Variants in INPP5A observed in about 807,000 individuals in gnomAD.
INPP5A encodes the protein inositol polyphosphate-5-phosphatase A, also known as 43 kDa inositol polyphosphate 5-phophatase.
In INPP5A, 14 loss-of-function variants were observed where a neutral mutation model predicts 65.2. That is an observed-to-expected ratio of 0.21 (90% confidence interval 0.14 to 0.34). The LOEUF (loss-of-function observed/expected upper bound fraction) is 0.34, where lower values mean the gene tolerates loss of function less well. Among genes scored for constraint, INPP5A ranks in the 10% least tolerant of loss-of-function variants. INPP5A has a pLI of 1.00. For missense variants in INPP5A, 431 were observed against 545.6 expected (o/e 0.79, Z 2.09); for synonymous variants, 207 against 208.3 (o/e 0.99, Z 0.05).
intron 8 of INPP5A, among the ~76,000 whole-genome samples, chr10:132,712,114 C>T (rs1017387918): frequency 6.6e-6 from 1 of 152,226 alleles, no homozygotes; most frequent in African/African-American, 2.4e-5. Context: ...GTCCCTAAGG[C>T]AGGTGGGGTT....
At chr10:132,685,217 G>A (rs117644802) in intron 4 of INPP5A, among the ~76,000 whole-genome samples, 2,177 of 152,326 alleles carry the variant, frequency 0.014, 19 homozygotes, top group Middle Eastern at 0.051. Flanking sequence ...CCTGGGCCGC[G>A]GGCCGTGGCC....
chr10:132,617,989 A>G, intron 2 of INPP5A, among the ~76,000 whole-genome samples: 1 of 152,212 alleles, frequency 6.6e-6, no homozygotes, highest in Non-Finnish European at 1.5e-5. Flanking sequence ...AGAATATTTT[A>G]TGATATAGTT....
At chr10:132,665,215 C>T (rs2072786855) in intron 4 of INPP5A, among the ~76,000 whole-genome samples, 1 of 152,238 alleles carries the variant, frequency 6.6e-6, no homozygotes, top group Non-Finnish European at 1.5e-5. Flanking sequence ...CACTTCACTT[C>T]CATCCCGAGA....
Position 132,651,109 on chromosome 10 carries a change from C to G in INPP5A, c.306+604C>G, listed in dbSNP as rs1214685590. On this transcript the variant is annotated intron_variant, in intron 4 of 15. Coordinates refer to ENST00000368594, the MANE Select transcript of INPP5A (RefSeq NM_005539.5). This position sits in a 1 kb window ranked among gnomAD's most constrained non-coding sequence, Gnocchi z 5.0. The stretch of plus-strand genomic sequence containing the variant: ...GTGGCAGCCACAGAGATACAGGCAC[C>G]AGGTGTCTGGGAAGGGGCAGGAAGC... 6.6e-6 allele frequency among the ~76,000 whole-genome samples: 1 copy of G among 152,170 alleles called. No individual in the cohort carries two copies. Among genetic ancestry groups the G allele is most frequent in the Admixed American group, 6.5e-5 (1 of 15,286 alleles).
intron 4 of INPP5A, among the ~76,000 whole-genome samples, chr10:132,680,041 G>A (rs1421991399): frequency 6.6e-6 from 1 of 152,232 alleles, no homozygotes; most frequent in Non-Finnish European, 1.5e-5. Context: ...CATTGGATTT[G>A]GCGATGATTT....
intron 1 of INPP5A, among the ~76,000 whole-genome samples, chr10:132,557,083 G>A (rs1037862005): frequency 2.6e-5 from 4 of 152,184 alleles, no homozygotes; most frequent in African/African-American, 9.7e-5. Context: ...CTGTGACACC[G>A]GTTTGGTAGG....
At position 132,704,450 on chromosome 10, in the gene INPP5A, T is replaced by A. The variant is rs1432244706; in HGVS notation, c.475-3863T>A. 1.3e-5 allele frequency among the ~76,000 whole-genome samples: 2 copies of A among 152,062 alleles called. No individual in the cohort carries two copies. The highest frequency in any genetic ancestry group is 2.9e-5 in the Non-Finnish European group (2 of 68,004). On this transcript the variant is annotated intron_variant, in intron 6 of 15. Transcript: ENST00000368594. The surrounding 1 kb of genome is among the most constrained non-coding windows in gnomAD (Gnocchi z 4.5). ...TTTCCCTTTCTGGTCGGCCCGAGGG[T>A]TGGGTGTGTGCCTGTGTGTTGGACG... is the stretch of plus-strand genomic sequence containing the variant.
Position 132,550,534 on chromosome 10 carries a change from G to A in INPP5A, c.75+12363G>A, listed in dbSNP as rs576656765. 4.8e-4 allele frequency among the ~76,000 whole-genome samples: 73 copies of A among 152,244 alleles called. No individual in the cohort carries two copies. Among genetic ancestry groups the A allele is most frequent in the Non-Finnish European group, 8.2e-4 (56 of 68,038 alleles). On this transcript the variant is annotated intron_variant, in intron 1 of 15. Coordinates refer to ENST00000368594, the MANE Select transcript of INPP5A (RefSeq NM_005539.5). This position sits in a 1 kb window ranked among gnomAD's most constrained non-coding sequence, Gnocchi z 4.2. ...CTTGGGCTGAGCTTTTCCGTGAACCGGCAGCTGTGTCCCTTGACGTGCTGA... is the reference window on the plus strand; with the variant it reads ...CTTGGGCTGAGCTTTTCCGTGAACCAGCAGCTGTGTCCCTTGACGTGCTGA...
rs143366326 is a variant in INPP5A, at chr10:132,735,225, C to T, written c.732+8320C>T. On this transcript the variant is annotated intron_variant, in intron 9 of 15. Transcript: ENST00000368594. ...ACCTGCAGTCTGGCTCCTTGGGAGC[C>T]GGAAAAGGCCACACCCAGCCTCCAC... 1.1e-3 allele frequency among the ~76,000 whole-genome samples: 173 copies of T among 152,290 alleles called. 2 individuals are homozygous for T. Among genetic ancestry groups the T allele is most frequent in the East Asian group, 7.5e-3 (39 of 5,178 alleles).
At chr10:132,718,255 G>A (rs1330119348) in intron 8 of INPP5A, among the ~76,000 whole-genome samples, 134 of 126,894 alleles carry the variant, frequency 1.1e-3, no homozygotes, top group African/African-American at 3.8e-3. Flanking sequence ...CGGCTGTCTT[G>A]CGGGTTCTGT....
intron 1 of INPP5A, among the ~76,000 whole-genome samples, chr10:132,597,262 TCTC>T (rs2071715423): frequency 6.6e-6 from 1 of 152,248 alleles, no homozygotes. Context: ...TTTCTGTTCT[TCTC>T]AGTGTTTGTG....
Position 132,567,584 on chromosome 10 carries a change from C to G in INPP5A, c.75+29413C>G, listed in dbSNP as rs572079015. On this transcript the variant is annotated intron_variant, in intron 1 of 15. Transcript: ENST00000368594. ...GGTAACACGGGACACTACTGTTGACCAAACTACAGGCTTTATTTGGGTTTT... is the reference window on the plus strand; with the variant it reads ...GGTAACACGGGACACTACTGTTGACGAAACTACAGGCTTTATTTGGGTTTT... 3.9e-5 allele frequency among the ~76,000 whole-genome samples: 6 copies of G among 152,310 alleles called. No individual in the cohort carries two copies. In the South Asian group the frequency reaches 1.2e-3, roughly 32 times the overall value.
At chr10:132,608,219 G>T (rs1220024805) in intron 2 of INPP5A, among the ~76,000 whole-genome samples, 2 of 152,238 alleles carry the variant, frequency 1.3e-5, no homozygotes, top group Non-Finnish European at 2.9e-5. Context: ...TCCCCGCGGG[G>T]TTCAGAGAAT....
At position 132,542,570 on chromosome 10, in the gene INPP5A, G is replaced by GCAGCCAGCCCTCGAGTGGGGTGGGGGGGT. The variant is rs572893354; in HGVS notation, c.75+4404_75+4405insAGCCCTCGAGTGGGGTGGGGGGGTCAGCC. Among the ~76,000 whole-genome samples, 355 of 152,310 alleles carry GCAGCCAGCCCTCGAGTGGGGTGGGGGGGT rather than the reference G, an allele frequency of 2.3e-3. 2 individuals carry two copies. The highest frequency in any genetic ancestry group is 7.9e-3 in the African/African-American group (330 of 41,552). On this transcript the variant is annotated intron_variant, in intron 1 of 15. Coordinates refer to ENST00000368594, the MANE Select transcript of INPP5A (RefSeq NM_005539.5). Reference sequence around the variant, plus strand: ...CGGGGCATCCTGACTCTCTACCGTGGCAGCCCTCGAGTGGGGTGGGGGGGT... The same window carrying GCAGCCAGCCCTCGAGTGGGGTGGGGGGGT: ...CGGGGCATCCTGACTCTCTACCGTGGCAGCCAGCCCTCGAGTGGGGTGGGGGGGTCAGCCCTCGAGTGGGGTGGGGGGGT...
In INPP5A at chr10:132,694,954, C is replaced by T. The variant is rs1469665359; in HGVS notation, c.371-2862C>T. ...GGTTTCACTGGTGAATTCTATCAAG[C>T]ATTTAAGGAAGACGTTATACCAGTT... is the stretch of plus-strand genomic sequence containing the variant. On this transcript the variant is annotated intron_variant, in intron 5 of 15. Transcript: ENST00000368594. Among the ~76,000 whole-genome samples, 5 of 152,128 alleles carry T rather than the reference C, an allele frequency of 3.3e-5. No homozygotes were observed. In the South Asian group the frequency reaches 8.3e-4, roughly 25 times the overall value.
At chr10:132,686,287 C>A (rs1016920042) in intron 4 of INPP5A, among the ~76,000 whole-genome samples, 1 of 152,260 alleles carries the variant, frequency 6.6e-6, no homozygotes, top group African/African-American at 2.4e-5. Context: ...GCAGTCCTCG[C>A]AGAAGCATCA....
At chr10:132,691,430 G>A (rs976707944) in intron 5 of INPP5A, among the ~76,000 whole-genome samples, 1 of 152,240 alleles carries the variant, frequency 6.6e-6, no homozygotes, top group Non-Finnish European at 1.5e-5. Context: ...GCTCAGGCAC[G>A]GAGCGGCCGG....
At chr10:132,577,314 C>T (rs905904021) in intron 1 of INPP5A, among the ~76,000 whole-genome samples, 7 of 152,208 alleles carry the variant, frequency 4.6e-5, no homozygotes, top group East Asian at 1.9e-4. Context: ...TCCTCCAAGC[C>T]GGCCTGCATA....
intron 2 of INPP5A, among the ~76,000 whole-genome samples, chr10:132,632,765 C>T (rs1009576666): frequency 1.3e-5 from 2 of 152,246 alleles, no homozygotes; most frequent in African/African-American, 2.4e-5. Flanking sequence ...ACACTCATCC[C>T]TTCCTAATTA....
Sources: gnomAD v4.1 joint callset for allele counts (sites outside exome capture counted in the v4.1 genomes callset) on GRCh38, gnomAD v4.1.1 for gene constraint, Gnocchi (gnomAD v3.1) non-coding constraint, MANE v1.5 for transcripts, NCBI Gene and HGNC (gene_info 2026-07-23, HGNC 2026-07-21) for gene names.